The following GLIS3 variants were observed in gnomAD, a reference collection of about 807,000 sequenced individuals.
The protein encoded by GLIS3 is zinc finger protein GLIS3.
In GLIS3, 53 loss-of-function variants were observed where a neutral mutation model predicts 78.6. The observed-to-expected ratio is 0.67, with a 90% CI of 0.54 to 0.85. GLIS3 has a LOEUF of 0.85. Ranked by LOEUF, GLIS3 falls within the 40% of genes least tolerant of loss-of-function variation. The pLI, the probability that GLIS3 is intolerant of heterozygous loss-of-function variation, is 0.00. For missense variants in GLIS3, 1,703 were observed against 1,231.1 expected, an observed-to-expected ratio of 1.38 and a Z score of -5.74; for synonymous variants, 684 against 509.9, an observed-to-expected ratio of 1.34 and a Z score of -4.60.
intron 2 of GLIS3, among the ~76,000 whole-genome samples, chr9:4,188,694 G>C (rs1586921040): frequency 3.3e-5 from 5 of 152,178 alleles, no homozygotes; most frequent in Non-Finnish European, 7.3e-5. Context: ...GGTCTATTCA[G>C]AGATTCAACT....
chr9:4,217,667 G>A (rs749569636), intron 2 of GLIS3, among the ~76,000 whole-genome samples: 10 of 152,202 alleles, frequency 6.6e-5, no homozygotes, highest in Non-Finnish European at 1.3e-4. Context: ...TAAAGCCAAT[G>A]TGGTTTAATT....
rs564692870 is a variant in GLIS3 at position 4,218,464 on chromosome 9, A to G, written c.388+67574T>C. ...CGACTAATTTTTTGTATTTTTAGTA[A>G]AGACGGGGTTTCACTGTGTTAGCCA... On this transcript the variant is annotated intron_variant, in intron 2 of 10. Transcript: ENST00000381971. Among the ~76,000 whole-genome samples the G allele has an allele frequency of 2.0e-5, 3 of 152,226 alleles. No individual in the cohort carries two copies. In the East Asian group the frequency reaches 5.8e-4, roughly 29 times the overall value.
chr9:4,323,636 T>C (rs1327423233), intron 2 of GLIS3, among the ~76,000 whole-genome samples: 2 of 152,232 alleles, frequency 1.3e-5, no homozygotes, highest in African/African-American at 4.8e-5. Context: ...TCAGACCCCC[T>C]TATTTATTAT....
intron 2 of GLIS3, among the ~76,000 whole-genome samples, chr9:4,270,346 C>G (rs1826389985): frequency 6.6e-6 from 1 of 152,192 alleles, no homozygotes; most frequent in South Asian, 2.1e-4. Context: ...TTAGCATCAA[C>G]TTAGTGGCTT....
At chr9:4,305,624 A>C (rs1327450914) in intron 4 of GLIS3, 1 of 152,248 alleles carries the variant, frequency 6.6e-6, no homozygotes, top group Non-Finnish European at 1.5e-5. Context: ...GGATTGGTTA[A>C]AAAATGGACA....
At chr9:4,143,351 G>A (rs762609207) in intron 2 of GLIS3, among the ~76,000 whole-genome samples, 43 of 151,982 alleles carry the variant, frequency 2.8e-4, no homozygotes, top group Non-Finnish European at 5.0e-4. Flanking sequence ...CAGATCACCC[G>A]AGGTCAGGAG....
At chr9:4,061,221 C>A (rs2130561982) in intron 4 of GLIS3, among the ~76,000 whole-genome samples, 1 of 131,968 alleles carries the variant, frequency 7.6e-6, no homozygotes, top group Middle Eastern at 4.2e-3. Context: ...CCCCCTCCCC[C>A]CACCCCATGA....
At chr9:4,122,998 C>T (rs1191619536) in intron 3 of GLIS3, among the ~76,000 whole-genome samples, 2 of 152,044 alleles carry the variant, frequency 1.3e-5, no homozygotes, top group African/African-American at 4.8e-5. Flanking sequence ...AATATATAGC[C>T]TTAAGGCAGG....
chr9:4,182,752 T>C (rs930123089), intron 2 of GLIS3, among the ~76,000 whole-genome samples: 4 of 152,220 alleles, frequency 2.6e-5, no homozygotes, highest in Admixed American at 1.3e-4. Context: ...CTACCACTAA[T>C]GTCTTGAAAA....
intron 2 of GLIS3, among the ~76,000 whole-genome samples, chr9:4,223,926 C>T (rs895531035): frequency 6.7e-6 from 1 of 149,404 alleles, no homozygotes; most frequent in Non-Finnish European, 1.5e-5. Flanking sequence ...ACAGTGAAAA[C>T]AAAACAAACA....
chr9:4,473,616 A>G, the GLIS3 span, among the ~76,000 whole-genome samples: 2 of 152,098 alleles, frequency 1.3e-5, no homozygotes, highest in South Asian at 2.1e-4. Context: ...CATAGAAGGG[A>G]ACAGCACACA....
At chr9:3,898,344 T>C (rs1823018172) in intron 7 of GLIS3, 1 of 337,228 alleles carries the variant, frequency 3.0e-6, no homozygotes, top group Non-Finnish European at 5.8e-6. Flanking sequence ...CATTAAGAAA[T>C]CCACACGCAG....
intron 4 of GLIS3, among the ~76,000 whole-genome samples, chr9:4,027,672 G>A (rs1448817240): frequency 6.6e-6 from 1 of 152,162 alleles, no homozygotes; most frequent in Admixed American, 6.6e-5. Flanking sequence ...TAAACAGTCT[G>A]ATAAGCTCAT....
chr9:4,294,540 G>A (rs1250160428), intron 1 of GLIS3, among the ~76,000 whole-genome samples: 1 of 151,726 alleles, frequency 6.6e-6, no homozygotes, highest in African/African-American at 2.4e-5. Context: ...AATAATAAAT[G>A]AGAATCCACA....
chr9:4,376,987 G>T, the GLIS3 span, among the ~76,000 whole-genome samples: 9 of 135,338 alleles, frequency 6.7e-5, 3 homozygotes, highest in African/African-American at 2.3e-4. Flanking sequence ...TTGCCTCCCA[G>T]CCCCACCACT....
At chr9:4,010,892 C>A (rs977011634) in intron 4 of GLIS3, among the ~76,000 whole-genome samples, 2 of 152,094 alleles carry the variant, frequency 1.3e-5, no homozygotes, top group African/African-American at 4.8e-5. Flanking sequence ...GGAAAATGTT[C>A]CTGGGAGTAA....
chr9:4,179,837 G>A (rs1273550516), intron 2 of GLIS3, among the ~76,000 whole-genome samples: 1 of 151,930 alleles, frequency 6.6e-6, no homozygotes, highest in Non-Finnish European at 1.5e-5. Context: ...TGGAACCCGG[G>A]AGGCAGAGGC....
intron 4 of GLIS3, among the ~76,000 whole-genome samples, chr9:4,107,818 T>C (rs1411724089): frequency 6.6e-6 from 1 of 152,168 alleles, no homozygotes; most frequent in Admixed American, 6.5e-5. Context: ...GTTCTTTTCT[T>C]TCCTATGAAT....
At chr9:4,292,890 G>T (rs191663368) in intron 1 of GLIS3, among the ~76,000 whole-genome samples, 1 of 152,260 alleles carries the variant, frequency 6.6e-6, no homozygotes, top group Non-Finnish European at 1.5e-5. Flanking sequence ...TCTGAAAAGA[G>T]GAATTTGAAA....
Sources: gnomAD v4.1 joint callset for allele counts (sites outside exome capture counted in the v4.1 genomes callset) on GRCh38, gnomAD v4.1.1 for gene constraint, MANE v1.5 for transcripts, NCBI Gene and HGNC (gene_info 2026-07-23, HGNC 2026-07-21) for gene names.